Variants in LRRC8D observed in about 807,000 individuals in gnomAD.
LRRC8D encodes the protein volume-regulated anion channel subunit LRRC8D.
In LRRC8D, 20 loss-of-function variants were observed where a neutral mutation model predicts 55.8. The observed-to-expected ratio is 0.36, with a 90% CI of 0.25 to 0.52. The LOEUF (loss-of-function observed/expected upper bound fraction) is 0.52. Among genes scored for constraint, LRRC8D ranks in the 20% least tolerant of loss-of-function variants. LRRC8D has a pLI of 0.93. For missense variants in LRRC8D, 651 were observed against 1,030.8 expected, an observed-to-expected ratio of 0.63 and a Z score of 5.05; for synonymous variants, 352 against 377.0, an observed-to-expected ratio of 0.93 and a Z score of 0.77.
intron 2 of LRRC8D, among the ~76,000 whole-genome samples, chr1:89,919,497 A>G (rs1000427376): frequency 1.1e-4 from 16 of 152,198 alleles, no homozygotes; most frequent in African/African-American, 3.9e-4. Flanking sequence ...ATACTATTAA[A>G]TGTCAGTAAA....
intron 1 of LRRC8D, chr1:89,822,070 TCTC>T (rs1660649213): frequency 6.5e-6 from 1 of 152,724 alleles, no homozygotes; most frequent in East Asian, 1.9e-4. Flanking sequence ...ATAGGGGCCT[TCTC>T]CTTTCCGTCA....
intron 2 of LRRC8D, among the ~76,000 whole-genome samples, chr1:89,868,204 T>G (rs991391893): frequency 2.6e-5 from 4 of 152,248 alleles, no homozygotes; most frequent in Non-Finnish European, 5.9e-5. Flanking sequence ...GTACCTTGTT[T>G]GGTGTCTGGC....
chr1:89,844,176 A>G (rs1477043627), intron 2 of LRRC8D, among the ~76,000 whole-genome samples: 1 of 152,110 alleles, frequency 6.6e-6, no homozygotes, highest in Non-Finnish European at 1.5e-5. Flanking sequence ...TCATACACAT[A>G]AATGTCCTGG....
At chr1:89,861,625 C>T (rs1661723199) in intron 2 of LRRC8D, among the ~76,000 whole-genome samples, 2 of 152,170 alleles carry the variant, frequency 1.3e-5, no homozygotes, top group African/African-American at 2.4e-5. Flanking sequence ...TCCTCTGTAT[C>T]CTTTGGACTT....
intron 2 of LRRC8D, among the ~76,000 whole-genome samples, chr1:89,893,632 G>A (rs1050755918): frequency 1.3e-5 from 2 of 152,106 alleles, no homozygotes; most frequent in African/African-American, 4.8e-5. Flanking sequence ...CATCTATATT[G>A]TAATGGGACA....
intron 1 of LRRC8D, among the ~76,000 whole-genome samples, chr1:89,838,385 A>C (rs367638009): frequency 6.6e-6 from 1 of 152,160 alleles, no homozygotes; most frequent in African/African-American, 2.4e-5. Context: ...AAAAATAAAA[A>C]TAAGATAAAT....
At chr1:89,850,379 G>A (rs561474355) in intron 2 of LRRC8D, among the ~76,000 whole-genome samples, 1 of 152,272 alleles carries the variant, frequency 6.6e-6, no homozygotes, top group Non-Finnish European at 1.5e-5. Flanking sequence ...TATCACCCAG[G>A]TATTAAGCCT....
At position 89,935,675 on chromosome 1, in the gene LRRC8D, A is replaced by G; in HGVS notation, c.*30A>G. 2.5e-6 allele frequency: 4 copies of G among 1,588,604 alleles called. No individual in the cohort carries two copies. The highest frequency in any genetic ancestry group is 3.4e-6 in the Non-Finnish European group (4 of 1,161,924). On this transcript the variant is annotated 3_prime_UTR_variant, in exon 3 of 3. Coordinates refer to ENST00000337338, the MANE Select transcript of LRRC8D (RefSeq NM_001134479.2). ...AGATAATATATGCACAGTGATGTGC[A>G]GGAACAACTTCCTAGATTGCAAGTG...
At chr1:89,885,194 T>G (rs1375434135) in intron 2 of LRRC8D, among the ~76,000 whole-genome samples, 1 of 152,246 alleles carries the variant, frequency 6.6e-6, no homozygotes, top group Non-Finnish European at 1.5e-5. Flanking sequence ...TTGACTTTAT[T>G]TCTTATGACT....
At position 89,933,685 on chromosome 1, in the gene LRRC8D, C is replaced by A; in HGVS notation, c.617C>A (p.Ser206Tyr). The A allele has an allele frequency of 1.2e-6, 2 of 1,614,054 alleles. No individual in the cohort carries two copies. Among genetic ancestry groups the A allele is most frequent in the Non-Finnish European group, 1.7e-6 (2 of 1,180,020 alleles). The change falls in exon 3 of 3, where the codon TCC becomes TAC. Residue 206 changes from serine (S) to tyrosine (Y), a missense_variant. Around this residue, in one of 5 missense-constraint regions of LRRC8D, gnomAD observed 178 missense variants for 374.9 expected, o/e 0.47. Transcript: ENST00000337338. The surrounding 1 kb of genome is among the most constrained non-coding windows in gnomAD (Gnocchi z 7.0). ...FVSILGKCFE[S>Y]PWTTKALSET... ...TCAATATTAGGAAAGTGCTTTGAAT[C>A]CCCTTGGACGACAAAAGCGTTGTCT...
chr1:89,915,232 A>G (rs1329967740), intron 2 of LRRC8D, among the ~76,000 whole-genome samples: 1 of 152,210 alleles, frequency 6.6e-6, no homozygotes, highest in Admixed American at 6.5e-5. Flanking sequence ...GCGTTTAGGA[A>G]TGAATAGATT....
At chr1:89,853,903 C>T (rs1443847739) in intron 2 of LRRC8D, among the ~76,000 whole-genome samples, 1 of 151,972 alleles carries the variant, frequency 6.6e-6, no homozygotes, top group Non-Finnish European at 1.5e-5. Flanking sequence ...GGTGTGTACA[C>T]GTTTGCGAGG....
intron 2 of LRRC8D, chr1:89,929,864 G>A (rs754274396): frequency 1.3e-5 from 2 of 152,272 alleles, no homozygotes; most frequent in Non-Finnish European, 2.9e-5. Flanking sequence ...TAGGAACTGG[G>A]CTTCACGGCA....
chr1:89,842,354 T>C (rs886101228), intron 1 of LRRC8D, among the ~76,000 whole-genome samples: 1 of 152,204 alleles, frequency 6.6e-6, no homozygotes, highest in African/African-American at 2.4e-5. Context: ...GGAACAGTTT[T>C]TTAATTTCTC....
At chr1:89,924,977 C>T (rs747812405) in intron 2 of LRRC8D, among the ~76,000 whole-genome samples, 24 of 152,120 alleles carry the variant, frequency 1.6e-4, no homozygotes, top group Non-Finnish European at 3.2e-4. Flanking sequence ...ATACTCATTA[C>T]CTTGATTGGG....
intron 1 of LRRC8D, among the ~76,000 whole-genome samples, chr1:89,831,850 G>A (rs756019572): frequency 6.6e-6 from 1 of 152,188 alleles, no homozygotes; most frequent in Non-Finnish European, 1.5e-5. Context: ...TTGCATAGGG[G>A]AAAGCTGGCT....
chr1:89,867,029 T>C (rs1053460544), intron 2 of LRRC8D, among the ~76,000 whole-genome samples: 1 of 152,336 alleles, frequency 6.6e-6, no homozygotes. Flanking sequence ...ATAATTCATA[T>C]ACCATACAAT....
chr1:89,884,134 A>G (rs1018878887), intron 2 of LRRC8D, among the ~76,000 whole-genome samples: 2 of 152,208 alleles, frequency 1.3e-5, no homozygotes. Flanking sequence ...AACGGCATCT[A>G]GTCATGCTAC....
intron 2 of LRRC8D, among the ~76,000 whole-genome samples, chr1:89,868,109 C>A (rs1029394771): frequency 6.6e-6 from 1 of 152,152 alleles, no homozygotes. Context: ...CATTCCCTTT[C>A]AAGATGCTCA....
Sources: gnomAD v4.1 joint callset for allele counts (sites outside exome capture counted in the v4.1 genomes callset) on GRCh38, gnomAD v4.1.1 for gene constraint, gnomAD v4.1.1 regional missense constraint, Gnocchi (gnomAD v3.1) non-coding constraint, MANE v1.5 for transcripts, NCBI Gene and HGNC (gene_info 2026-07-23, HGNC 2026-07-21) for gene names.